Variants in KCNU1 observed in about 807,000 individuals in gnomAD.
KCNU1 encodes potassium channel subfamily U member 1.
In KCNU1, 93 loss-of-function variants were observed where a neutral mutation model predicts 126.8. The observed-to-expected ratio is 0.73, with a 90% CI of 0.62 to 0.87. The LOEUF (loss-of-function observed/expected upper bound fraction) is 0.87. Among genes scored for constraint, KCNU1 ranks in the 40% least tolerant of loss-of-function variants. The pLI is 0.00. For synonymous variants in KCNU1, 523 were observed against 494.2 expected (o/e 1.06, Z -0.77); for missense variants, 1,330 against 1,367.1 (o/e 0.97, Z 0.43).
chr8:36,901,405 A>G (rs1245003637), intron 19 of KCNU1, among the ~76,000 whole-genome samples: 1 of 152,116 alleles, frequency 6.6e-6, no homozygotes, highest in African/African-American at 2.4e-5. Flanking sequence ...ACATGGGAGA[A>G]TAGAAGTTCT....
chr8:36,786,031 T>G (rs981707714), intron 1 of KCNU1, among the ~76,000 whole-genome samples: 1 of 152,070 alleles, frequency 6.6e-6, no homozygotes, highest in African/African-American at 2.4e-5. Context: ...CAAGTTGAGT[T>G]ACTTTTCAAT....
In KCNU1 at chr8:36,836,939, C is replaced by G; in HGVS notation, c.1512C>G (p.Asn504Lys). Reference sequence around the variant, plus strand: ...TAACATCTCTATTTGTGGAGCAAAACAAAAAGGTAACCTTGTAAATTACTG... The same window carrying G: ...TAACATCTCTATTTGTGGAGCAAAAGAAAAAGGTAACCTTGTAAATTACTG... ...TFLTSLFVEQ[N>K]KKVMPKQTWK... The change falls in exon 14 of 27, where the codon AAC (asparagine) becomes AAG (lysine). Residue 504 changes from asparagine (N) to lysine (K), a missense_variant. Physicochemically the swap from Asn to Lys is moderately conservative, Grantham distance 94. Around this residue, in one of 3 missense-constraint regions of KCNU1, gnomAD observed 1,054 missense variants for 1,053.9 expected, o/e 1.00. Coordinates refer to ENST00000399881, the MANE Select transcript of KCNU1 (RefSeq NM_001031836.3). 6.2e-7 allele frequency: 1 copy of G among 1,613,270 alleles called. No individual in the cohort carries two copies. The highest frequency in any genetic ancestry group is 8.5e-7 in the Non-Finnish European group (1 of 1,179,546).
Position 36,840,535 on chromosome 8 carries a change from T to C in KCNU1, c.1591T>C (p.Ser531Pro), listed in dbSNP as rs781557514. ...MKNKILTQRLSDDFAGMSFPE... is the reference protein window; with the variant it reads ...MKNKILTQRLPDDFAGMSFPE... ...AAACAAAATTCTGACCCAACGTCTC[T>C]CTGATGACTTTGCTGGAATGAGCTT... The change falls in exon 15 of 27, where the codon TCT becomes CCT. Residue 531 changes from serine (S) to proline (P), a missense_variant. Physicochemically the swap from Ser to Pro is moderately conservative, Grantham distance 74. Transcript: ENST00000399881. 5.0e-6 allele frequency: 8 copies of C among 1,612,634 alleles called. No homozygotes were observed. The highest frequency in any genetic ancestry group is 6.8e-6 in the Non-Finnish European group (8 of 1,178,872).
chr8:36,887,452 G>GTTTTTTTTT (rs138240609), intron 19 of KCNU1, among the ~76,000 whole-genome samples: 2 of 99,288 alleles, frequency 2.0e-5, no homozygotes, highest in African/African-American at 3.7e-5. Context: ...GTTTTTTTTT[G>GTTTTTTTTT]TTTTTTTTTT....
At chr8:36,901,477 G>A (rs1398476511) in intron 19 of KCNU1, among the ~76,000 whole-genome samples, 5 of 152,110 alleles carry the variant, frequency 3.3e-5, no homozygotes, top group African/African-American at 7.2e-5. Flanking sequence ...CAAGTGACAC[G>A]TTCTGCTCAT....
chr8:36,828,869 A>G (rs953083009), intron 10 of KCNU1, among the ~76,000 whole-genome samples: 1 of 152,108 alleles, frequency 6.6e-6, no homozygotes, highest in Non-Finnish European at 1.5e-5. Context: ...TTGCAAGCCT[A>G]TCAGGAATGT....
At position 36,935,220 on chromosome 8, in the gene KCNU1, C is replaced by T. The variant is rs112871411; in HGVS notation, c.3045-295C>T. Among the ~76,000 whole-genome samples the T allele has an allele frequency of 3.0e-4, 45 of 152,088 alleles. 4 individuals are homozygous for T. The highest frequency in any genetic ancestry group is 7.7e-4 in the African/African-American group (32 of 41,496). ...TCTTCCCACTGGAACAAAAGATGAG[C>T]GCAGCAAGGCCCAGAGAAGGAGGAC... On this transcript the variant is annotated intron_variant, in intron 26 of 26. Transcript: ENST00000399881.
chr8:36,932,853 C>T, intron 25 of KCNU1, 67 bp from the exon 26 acceptor site: 1 of 880,500 alleles, frequency 1.1e-6, no homozygotes, highest in Non-Finnish European at 1.9e-6. Context: ...AACGACACTC[C>T]AGTGAGTGCT....
rs763403966 is a variant in KCNU1 at position 36,845,795 on chromosome 8, T to G, written c.1794-7T>G. On this transcript the variant is annotated splice_region_variant and splice_polypyrimidine_tract_variant and intron_variant, in intron 17 of 26. Coordinates refer to ENST00000399881, the MANE Select transcript of KCNU1 (RefSeq NM_001031836.3). ...TAATTCATTCTTGGTTTTCTTTCAT[T>G]GTCCAGAGCCTTGTTTTACTGTTCA... 1 of 1,598,934 alleles carries G rather than the reference T, an allele frequency of 6.3e-7. No individual in the cohort carries two copies. Among genetic ancestry groups the G allele is most frequent in the South Asian group, 1.1e-5 (1 of 90,326 alleles).
At chr8:36,906,368 C>T (rs1369206892) in intron 20 of KCNU1, among the ~76,000 whole-genome samples, 1 of 152,068 alleles carries the variant, frequency 6.6e-6, no homozygotes, top group South Asian at 2.1e-4. Context: ...GTCCTTGTCT[C>T]TCTTCTCAAA....
chr8:36,862,500 C>A (rs968681753), intron 18 of KCNU1, among the ~76,000 whole-genome samples: 3 of 152,132 alleles, frequency 2.0e-5, no homozygotes, highest in Non-Finnish European at 4.4e-5. Flanking sequence ...TTGTCCTTGA[C>A]CTTCAGGTGG....
chr8:36,899,585 CT>C (rs1807336928), intron 19 of KCNU1, among the ~76,000 whole-genome samples: 1 of 152,032 alleles, frequency 6.6e-6, no homozygotes, highest in Non-Finnish European at 1.5e-5. Flanking sequence ...TTAATAATGA[CT>C]TCATGAAGAC....
intron 26 of KCNU1, among the ~76,000 whole-genome samples, chr8:36,933,765 AT>A (rs1253760769): frequency 6.6e-6 from 1 of 152,016 alleles, no homozygotes; most frequent in Non-Finnish European, 1.5e-5. Flanking sequence ...AACAGCAACA[AT>A]TTTTTTGGCC....
At chr8:36,897,483 C>T (rs1286736686) in intron 19 of KCNU1, among the ~76,000 whole-genome samples, 6 of 151,844 alleles carry the variant, frequency 4.0e-5, no homozygotes, top group Non-Finnish European at 7.4e-5. Context: ...TCAAGGAATC[C>T]AAATATGAAT....
chr8:36,797,737 C>G lies in KCNU1; in HGVS notation c.316-6290C>G, dbSNP rs190295442. On this transcript the variant is annotated intron_variant, in intron 2 of 26. Coordinates refer to ENST00000399881, the MANE Select transcript of KCNU1 (RefSeq NM_001031836.3). The stretch of plus-strand genomic sequence containing the variant: ...TGTCCAAAAAAGTTTTTTTCTTGCT[C>G]TTACAAGTAAACAACAATGTGGTTG... 4.0e-3 allele frequency among the ~76,000 whole-genome samples: 604 copies of G among 151,708 alleles called. 6 individuals carry two copies. Among genetic ancestry groups the G allele is most frequent in the African/African-American group, 0.014 (578 of 41,340 alleles).
rs769076125 is a variant in KCNU1, at chr8:36,815,662, T to G, written c.970T>G (p.Ser324Ala). Residue 324 changes from serine (S) to alanine (A), a missense_variant, in exon 9 of 27, where the codon TCC (serine) becomes GCC (alanine). By Grantham distance (99) the Ser-to-Ala change is moderately conservative. Coordinates refer to ENST00000399881, the MANE Select transcript of KCNU1 (RefSeq NM_001031836.3). Reference sequence around the variant, plus strand: ...TGCTAACAAGAGGAAATACACCAGTTCCTATGAAGCACTCAAAGGAAAGAA... The same window carrying G: ...TGCTAACAAGAGGAAATACACCAGTGCCTATGAAGCACTCAAAGGAAAGAA... ...LFANKRKYTS[S>A]YEALKGKKFI... The G allele has an allele frequency of 1.9e-6, 3 of 1,589,916 alleles. No individual in the cohort carries two copies. Among genetic ancestry groups the G allele is most frequent in the South Asian group, 2.3e-5 (2 of 87,810 alleles).
intron 19 of KCNU1, among the ~76,000 whole-genome samples, chr8:36,893,681 T>C (rs2117456177): frequency 1.3e-5 from 2 of 152,240 alleles, no homozygotes; most frequent in East Asian, 3.9e-4. Flanking sequence ...GCCATGAAGC[T>C]TATTGTTCTT....
At chr8:36,871,414 G>T (rs891179864) in intron 19 of KCNU1, among the ~76,000 whole-genome samples, 2 of 151,482 alleles carry the variant, frequency 1.3e-5, no homozygotes, top group African/African-American at 4.9e-5. Context: ...TATACATAGA[G>T]AGAGAGAGAG....
intron 19 of KCNU1, among the ~76,000 whole-genome samples, chr8:36,877,410 C>T (rs372634334): frequency 2.0e-5 from 3 of 151,410 alleles, no homozygotes; most frequent in African/African-American, 7.3e-5. Flanking sequence ...TCAAGCAATT[C>T]TCGTGCCTCA....
Sources: allele counts gnomAD v4.1 joint callset (sites outside exome capture counted in the v4.1 genomes callset), GRCh38; gene constraint gnomAD v4.1.1; regional missense constraint gnomAD v4.1.1; transcripts MANE v1.5; gene names NCBI Gene and HGNC (gene_info 2026-07-23, HGNC 2026-07-21).